RB1CC1: variants seen among roughly 807,000 people sequenced by gnomAD.
RB1CC1 encodes RB1 inducible coiled-coil 1, also known as RB1-inducible coiled-coil protein 1.
In RB1CC1, 46 loss-of-function variants were observed where a neutral mutation model predicts 177.5. That is an observed-to-expected ratio of 0.26 (90% confidence interval 0.20 to 0.33). The LOEUF is 0.33. Ranked by LOEUF, RB1CC1 falls within the 10% of genes least tolerant of loss-of-function variation. The pLI is 1.00. For missense variants in RB1CC1, 1,703 were observed against 1,816.3 expected (o/e 0.94, Z 1.13); for synonymous variants, 666 against 613.6 (o/e 1.09, Z -1.26).
chr8:52,637,175 A>G (rs1268560858), intron 18 of RB1CC1, among the ~76,000 whole-genome samples: 3 of 152,194 alleles, frequency 2.0e-5, no homozygotes, highest in African/African-American at 7.2e-5. Context: ...GAGGGCTACC[A>G]TCTTAAGGCG....
Position 52,657,615 on chromosome 8 carries a change from C to T in RB1CC1, c.2214G>A (p.Glu738=). ...PESDFMSAVN[E]FVIEENLSSP... Reference sequence around the variant, plus strand: ...ACGACAAATTTTCTTCTATTACAAACTCATTCACAGCAGACATAAAATCTG... The same window carrying T: ...ACGACAAATTTTCTTCTATTACAAATTCATTCACAGCAGACATAAAATCTG... Residue 738 remains glutamate (E), a synonymous_variant, in exon 15 of 24, where the codon GAG becomes GAA. Transcript: ENST00000025008. The T allele has an allele frequency of 6.2e-7, 1 of 1,614,100 alleles. No individual in the cohort carries two copies.
At chr8:52,628,254 A>C in intron 21 of RB1CC1, 86 bp from the exon 22 acceptor site, 2 of 1,225,548 alleles carry the variant, frequency 1.6e-6, no homozygotes, top group Non-Finnish European at 1.2e-6. Flanking sequence ...TTAATGCTCA[A>C]CTACATATTA....
At chr8:52,676,912 T>C (rs143399430) in intron 5 of RB1CC1, among the ~76,000 whole-genome samples, 511 of 152,334 alleles carry the variant, frequency 3.4e-3, no homozygotes, top group Non-Finnish European at 5.6e-3. Flanking sequence ...AAGACATTCA[T>C]GTTAAAAACA....
chr8:52,644,727 C>G (rs1049681011), intron 16 of RB1CC1, among the ~76,000 whole-genome samples: 9 of 152,114 alleles, frequency 5.9e-5, no homozygotes, highest in African/African-American at 2.2e-4. Flanking sequence ...GAGGTTTCAA[C>G]TATACTTTAT....
intron 15 of RB1CC1, among the ~76,000 whole-genome samples, chr8:52,649,326 G>C (rs536994848): frequency 6.6e-6 from 1 of 152,012 alleles, no homozygotes. Context: ...TTAGTATCAC[G>C]GAAACTTGAA....
chr8:52,665,010 C>T (rs1034788925), intron 8 of RB1CC1, among the ~76,000 whole-genome samples: 4 of 151,982 alleles, frequency 2.6e-5, no homozygotes, highest in Admixed American at 6.6e-5. Context: ...AGAGAAAAAT[C>T]GAGTGTCTAA....
In RB1CC1 at chr8:52,623,291, C is replaced by T. The variant is rs995563922; in HGVS notation, c.*491G>A. ...ACTGAGGCAAACTCAAAATGATTAT[C>T]AGCATGCAATAACACTCCTCTTTAT... On this transcript the variant is annotated 3_prime_UTR_variant, in exon 24 of 24. Coordinates refer to ENST00000025008, the MANE Select transcript of RB1CC1 (RefSeq NM_014781.5). 1 of 164,968 alleles carries T rather than the reference C, an allele frequency of 6.1e-6. No individual in the cohort carries two copies. Among genetic ancestry groups the T allele is most frequent in the African/African-American group, 2.4e-5 (1 of 41,348 alleles). 10.2% of individuals were successfully genotyped at this position (164,968 alleles called of 1,614,324 possible).
At chr8:52,638,057 T>C (rs977403071) in intron 18 of RB1CC1, among the ~76,000 whole-genome samples, 8 of 152,176 alleles carry the variant, frequency 5.3e-5, no homozygotes, top group Non-Finnish European at 1.0e-4. Context: ...GAGCAGGCCA[T>C]CTTCATCTTG....
chr8:52,677,941 T>C (rs892242747), intron 5 of RB1CC1, among the ~76,000 whole-genome samples: 2 of 151,940 alleles, frequency 1.3e-5, no homozygotes, highest in Non-Finnish European at 2.9e-5. Context: ...ATGTAGAAAA[T>C]GTAGGAGGAA....
At chr8:52,695,629 A>G (rs1855329495) in intron 1 of RB1CC1, among the ~76,000 whole-genome samples, 1 of 152,174 alleles carries the variant, frequency 6.6e-6, no homozygotes, top group Non-Finnish European at 1.5e-5. Context: ...CTGGACACCA[A>G]AGACTCAGGT....
At position 52,661,116 on chromosome 8, in the gene RB1CC1, C is replaced by T; in HGVS notation, c.1524G>A (p.Met508Ile). ...ATACCTCCCTGTAGTGTTTTATGAA[C>T]ATTTTTCTTCTTACAACCTCAACAA... ...LAVVEVVRRK[M>I]FIKHYREWAG... Residue 508 changes from methionine (M) to isoleucine (I), a missense_variant, in exon 10 of 24, where the codon ATG (methionine) becomes ATA (isoleucine). This residue lies in a region of RB1CC1 where 1,169 missense variants were observed against 1,184.7 expected (regional missense o/e 0.99). Coordinates refer to ENST00000025008, the MANE Select transcript of RB1CC1 (RefSeq NM_014781.5). The T allele has an allele frequency of 6.8e-6, 11 of 1,613,206 alleles. No homozygotes were observed. Among genetic ancestry groups the T allele is most frequent in the Non-Finnish European group, 9.3e-6 (11 of 1,179,678 alleles).
Position 52,636,035 on chromosome 8 carries a change from G to T in RB1CC1, c.4372C>A (p.Arg1458=). ...NIHMLSEEKQ[R]IMLLERTLQL... is the part of the protein sequence containing the mutation. ...CTTACTCGTTCTAACAGCATTATCCGCTGTTTTTCTTCAGACAACATATGA... is the reference window on the plus strand; with the variant it reads ...CTTACTCGTTCTAACAGCATTATCCTCTGTTTTTCTTCAGACAACATATGA... Residue 1458 remains arginine (R), a synonymous_variant, in exon 19 of 24, where the codon CGG becomes AGG. Transcript: ENST00000025008. 1 of 1,606,716 alleles carries T rather than the reference G, an allele frequency of 6.2e-7. No individual in the cohort carries two copies.
chr8:52,700,128 C>T (rs937783240), intron 1 of RB1CC1, among the ~76,000 whole-genome samples: 2 of 151,918 alleles, frequency 1.3e-5, no homozygotes, highest in African/African-American at 4.8e-5. Flanking sequence ...CTACCTATTC[C>T]TCACACTCAT....
At chr8:52,667,485 A>G (rs1019620849) in intron 8 of RB1CC1, among the ~76,000 whole-genome samples, 19 of 152,178 alleles carry the variant, frequency 1.2e-4, no homozygotes, top group African/African-American at 4.6e-4. Flanking sequence ...AGGACAGGCA[A>G]TCATGAATTT....
chr8:52,630,839 T>C (rs569585471), intron 20 of RB1CC1, among the ~76,000 whole-genome samples: 52 of 152,336 alleles, frequency 3.4e-4, no homozygotes, highest in African/African-American at 1.2e-3. Context: ...TTCAAAATCT[T>C]TCATTTTGGA....
At chr8:52,635,815 C>T (rs7827526) in intron 19 of RB1CC1, among the ~76,000 whole-genome samples, 200 bp downstream of exon 19, 118,310 of 151,966 alleles carry the variant, frequency 0.78, 46,513 homozygotes, top group African/African-American at 0.89. Context: ...AATGGGAGGG[C>T]TGAAATACTG....
intron 5 of RB1CC1, among the ~76,000 whole-genome samples, chr8:52,678,047 G>A (rs1013450799): frequency 2.0e-5 from 3 of 152,142 alleles, no homozygotes; most frequent in Admixed American, 1.3e-4. Flanking sequence ...AAGTTCAACT[G>A]TAGCACTGTT....
intron 18 of RB1CC1, among the ~76,000 whole-genome samples, chr8:52,639,936 A>C (rs1849432779): frequency 6.6e-6 from 1 of 152,200 alleles, no homozygotes; most frequent in Admixed American, 6.5e-5. Context: ...GTAATTTTTA[A>C]AACTATAACT....
At chr8:52,663,689 A>G (rs1441119126) in intron 8 of RB1CC1, among the ~76,000 whole-genome samples, 1 of 152,194 alleles carries the variant, frequency 6.6e-6, no homozygotes, top group Non-Finnish European at 1.5e-5. Flanking sequence ...TGCAACAGGG[A>G]AATACCATTA....
Sources: gnomAD v4.1 joint callset for allele counts (sites outside exome capture counted in the v4.1 genomes callset) on GRCh38, gnomAD v4.1.1 for gene constraint, gnomAD v4.1.1 regional missense constraint, MANE v1.5 for transcripts, NCBI Gene and HGNC (gene_info 2026-07-23, HGNC 2026-07-21) for gene names.